Variants in ARL6IP6 observed in about 807,000 individuals in gnomAD.
ARL6IP6 encodes ARF like GTPase 6 interacting protein 6, also known as ADP-ribosylation factor-like protein 6-interacting protein 6.
A neutral mutation model predicts 21.5 loss-of-function variants in ARL6IP6; 22 were observed. That is an observed-to-expected ratio of 1.02 (90% confidence interval 0.73 to 1.46). The LOEUF is 1.46. Ranked by LOEUF, ARL6IP6 falls within the 40% of genes most tolerant of loss-of-function variation. ARL6IP6 has a pLI of 0.00. For synonymous variants in ARL6IP6, 164 were observed against 125.3 expected (o/e 1.31, Z -2.06); for missense variants, 388 against 299.8 (o/e 1.29, Z -2.17).
intron 1 of ARL6IP6, chr2:152,719,970 GC>G (rs1699689919): frequency 3.6e-6 from 1 of 278,776 alleles, no homozygotes; most frequent in Non-Finnish European, 7.4e-6. Context: ...AGACACTTTG[GC>G]CAGTTGATGT....
At chr2:152,728,022 C>G (rs1041950581) in intron 2 of ARL6IP6, among the ~76,000 whole-genome samples, 1 of 152,132 alleles carries the variant, frequency 6.6e-6, no homozygotes, top group Non-Finnish European at 1.5e-5. Flanking sequence ...ATCTTTTTCT[C>G]TTTGTTTACA....
At chr2:152,758,736 A>G (rs991737443) in intron 3 of ARL6IP6, among the ~76,000 whole-genome samples, 7 of 152,136 alleles carry the variant, frequency 4.6e-5, no homozygotes, top group East Asian at 1.9e-4. Context: ...ACCTTCTTCA[A>G]TCTCTGCCAC....
intron 3 of ARL6IP6, among the ~76,000 whole-genome samples, chr2:152,740,215 G>A (rs759084734): frequency 1.5e-4 from 23 of 152,128 alleles, no homozygotes; most frequent in African/African-American, 5.3e-4. Flanking sequence ...TGATCCTCCT[G>A]CCTCCACCCT....
chr2:152,731,458 A>G (rs1417394890), intron 2 of ARL6IP6, among the ~76,000 whole-genome samples: 1 of 152,204 alleles, frequency 6.6e-6, no homozygotes, highest in Non-Finnish European at 1.5e-5. Flanking sequence ...TTCGTAAGTC[A>G]TCTGCTAGGG....
rs182280079 is a variant in ARL6IP6 at position 152,742,023 on chromosome 2, T to C, written c.587+6897T>C. Among the ~76,000 whole-genome samples the C allele has an allele frequency of 4.9e-3, 747 of 152,346 alleles. 3 individuals carry two copies. The highest frequency in any genetic ancestry group is 8.1e-3 in the Non-Finnish European group (551 of 68,028). On this transcript the variant is annotated intron_variant, in intron 3 of 3. Transcript: ENST00000326446. ...AAATAGGCATTCCCATGTTTCACTA[T>C]GTTATAATTCATTATCCTGCTTCTT... is the stretch of plus-strand genomic sequence containing the variant.
At chr2:152,744,535 T>C (rs1330084431) in intron 3 of ARL6IP6, among the ~76,000 whole-genome samples, 1 of 152,174 alleles carries the variant, frequency 6.6e-6, no homozygotes, top group Non-Finnish European at 1.5e-5. Context: ...TCTAGGCATA[T>C]GCCAAGGTAA....
chr2:152,736,285 CA>C (rs1456676126), intron 3 of ARL6IP6, among the ~76,000 whole-genome samples: 3 of 151,992 alleles, frequency 2.0e-5, no homozygotes, highest in African/African-American at 7.2e-5. Context: ...AGACTCGTTT[CA>C]AAAAAATCAC....
At chr2:152,732,439 A>G (rs1392047190) in intron 2 of ARL6IP6, 5 of 378,744 alleles carry the variant, frequency 1.3e-5, no homozygotes, top group Non-Finnish European at 2.6e-5. Flanking sequence ...GCATCTGTTC[A>G]TGTTTTAACA....
Position 152,762,022 on chromosome 2 carries a change from C to G in ARL6IP6, c.*2182C>G, listed in dbSNP as rs1325167736. Among the ~76,000 whole-genome samples, 1 of 152,158 alleles carries G rather than the reference C, an allele frequency of 6.6e-6. No homozygotes were observed. Among genetic ancestry groups the G allele is most frequent in the Non-Finnish European group, 1.5e-5 (1 of 68,036 alleles). On this transcript the variant is annotated 3_prime_UTR_variant, in exon 4 of 4. Transcript: ENST00000326446. ...CCCTTTTTTGGGAAATGACCCTCCT[C>G]TCTCCAGTCTGACACAGGGTCCAAA...
At chr2:152,720,919 T>C (rs145698068) in intron 2 of ARL6IP6, among the ~76,000 whole-genome samples, 2,326 of 152,244 alleles carry the variant, frequency 0.015, 66 homozygotes, top group African/African-American at 0.054. Flanking sequence ...AGTGAGACCC[T>C]GTCTCTACAA....
intron 3 of ARL6IP6, among the ~76,000 whole-genome samples, chr2:152,755,427 T>C (rs892479598): frequency 2.0e-5 from 3 of 152,184 alleles, no homozygotes; most frequent in African/African-American, 7.2e-5. Flanking sequence ...GATGCTGTGC[T>C]TCATTGGCCA....
chr2:152,724,580 G>A (rs1292845567), intron 2 of ARL6IP6, among the ~76,000 whole-genome samples: 1 of 152,170 alleles, frequency 6.6e-6, no homozygotes, highest in Admixed American at 6.5e-5. Flanking sequence ...CATAAAAGCA[G>A]TAATAAGAAC....
rs141970058 is a variant in ARL6IP6, at chr2:152,751,448, C to T, written c.588-8299C>T. Among the ~76,000 whole-genome samples the T allele has an allele frequency of 3.2e-4, 48 of 152,260 alleles. No individual in the cohort carries two copies. The East Asian group carries it at 5.6e-3, about 18-fold the overall frequency. On this transcript the variant is annotated intron_variant, in intron 3 of 3. Coordinates refer to ENST00000326446, the MANE Select transcript of ARL6IP6 (RefSeq NM_152522.7). ...TATAGAACACTAGAAGTCATTCCTC[C>T]TATCTGATCGTAATTTTGTATCCGT...
At chr2:152,757,505 T>G (rs925625955) in intron 3 of ARL6IP6, among the ~76,000 whole-genome samples, 4 of 152,118 alleles carry the variant, frequency 2.6e-5, no homozygotes, top group African/African-American at 4.8e-5. Flanking sequence ...TTTACTTGAG[T>G]CAATTTTAAA....
chr2:152,743,798 A>G (rs899840498), intron 3 of ARL6IP6, among the ~76,000 whole-genome samples: 1 of 152,200 alleles, frequency 6.6e-6, no homozygotes, highest in African/African-American at 2.4e-5. Context: ...TCAAAGGTAT[A>G]TAAAAGTAAG....
At chr2:152,744,957 G>A (rs1180250913) in intron 3 of ARL6IP6, among the ~76,000 whole-genome samples, 1 of 152,038 alleles carries the variant, frequency 6.6e-6, no homozygotes, top group Non-Finnish European at 1.5e-5. Context: ...AACTATTTTA[G>A]AGAGTAACAT....
intron 3 of ARL6IP6, among the ~76,000 whole-genome samples, chr2:152,740,634 T>C (rs1700766013): frequency 6.7e-6 from 1 of 148,794 alleles, no homozygotes. Context: ...ATATACACAT[T>C]ATAAATGTGT....
intron 3 of ARL6IP6, 96 bp from the exon 4 acceptor site, chr2:152,759,651 T>TG (rs1379983282): frequency 6.5e-6 from 6 of 927,918 alleles, no homozygotes; most frequent in African/African-American, 4.9e-5. Flanking sequence ...GGAAATACAC[T>TG]CCAAGGTCAT....
At chr2:152,730,940 G>A (rs1007518276) in intron 2 of ARL6IP6, among the ~76,000 whole-genome samples, 1 of 152,142 alleles carries the variant, frequency 6.6e-6, no homozygotes, top group African/African-American at 2.4e-5. Context: ...ACACACATAA[G>A]TGCAAACATG....
Sources: allele counts gnomAD v4.1 joint callset (sites outside exome capture counted in the v4.1 genomes callset), GRCh38; gene constraint gnomAD v4.1.1; transcripts MANE v1.5; gene names NCBI Gene and HGNC (gene_info 2026-07-23, HGNC 2026-07-21).